Variants in LYST observed in about 807,000 individuals in gnomAD.
LYST encodes lysosomal trafficking regulator.
LYST carries 192 observed loss-of-function variants against 413.6 expected under a neutral mutation model. That is an observed-to-expected ratio of 0.46 (90% CI 0.41 to 0.52). The LOEUF is 0.52. Ranked by LOEUF, LYST falls within the 20% of genes least tolerant of loss-of-function variation. The pLI, the probability that LYST is intolerant of heterozygous loss-of-function variation, is 0.00. For missense variants in LYST, 3,815 were observed against 4,499.9 expected (o/e 0.85, Z 4.35); for synonymous variants, 1,525 against 1,567.3 (o/e 0.97, Z 0.64).
At chr1:235,851,448 A>T (rs190850203) in intron 1 of LYST, among the ~76,000 whole-genome samples, 1 of 152,056 alleles carries the variant, frequency 6.6e-6, no homozygotes, top group Non-Finnish European at 1.5e-5. Flanking sequence ...CAAATATGGT[A>T]CAGTGTATAC....
At chr1:235,835,966 A>G (rs989947182) in intron 1 of LYST, among the ~76,000 whole-genome samples, 2 of 152,242 alleles carry the variant, frequency 1.3e-5, no homozygotes, top group African/African-American at 4.8e-5. Context: ...ATGTCATAAC[A>G]AAGAAAACTT....
rs1403177252 is a variant in LYST, at chr1:235,712,170, G to C, written c.9812C>G (p.Thr3271Ser). 6.3e-7 allele frequency: 1 copy of C among 1,584,520 alleles called. No homozygotes were observed. The highest frequency in any genetic ancestry group is 1.3e-5 in the African/African-American group (1 of 74,174). ...CCAAGTTGTATTTGTAGAATGAAAA[G>C]TTCTGTCTGGAATGTCAAAACTTTG... The part of the protein sequence containing the change: ...QDQSFDIPDR[T>S]FHSTNTTWRL... The change falls in exon 43 of 53, where the codon ACT (threonine) becomes AGT (serine). Residue 3271 changes from threonine to serine, a missense_variant. Physicochemically the swap from Thr to Ser is moderately conservative, Grantham distance 58 (BLOSUM62 1). Coordinates refer to ENST00000389793, the MANE Select transcript of LYST (RefSeq NM_000081.4).
At position 235,709,071 on chromosome 1, in the gene LYST, G is replaced by C. The variant is rs1380251917; in HGVS notation, c.10143+20C>G. 6.2e-7 allele frequency: 1 copy of C among 1,602,650 alleles called. No homozygotes were observed. Among genetic ancestry groups the C allele is most frequent in the Admixed American group, 1.7e-5 (1 of 59,978 alleles). ...GTTCTATCTTATATAAATACAGATT[G>C]TTTTAAAAGAGTCACTTACAGCAGG... On this transcript the variant is annotated intron_variant, in intron 44 of 52. Transcript: ENST00000389793.
intron 37 of LYST, 65 bp downstream of exon 37, chr1:235,729,531 T>C: frequency 9.1e-7 from 1 of 1,094,176 alleles, no homozygotes; most frequent in South Asian, 1.2e-5. Context: ...AAAAACACTT[T>C]AAATAATCTA....
Position 235,751,374 on chromosome 1 carries a change from A to G in LYST, c.7628-12T>C. On this transcript the variant is annotated splice_polypyrimidine_tract_variant and intron_variant, in intron 27 of 52. Transcript: ENST00000389793. The stretch of plus-strand genomic sequence containing the variant: ...TGCAACAGCCATATCTAAAAACAGA[A>G]GATACTAGAATGTTTTCAAGCTATG... The G allele has an allele frequency of 1.2e-6, 2 of 1,609,672 alleles. No individual in the cohort carries two copies. The highest frequency in any genetic ancestry group is 1.1e-5 in the South Asian group (1 of 91,020).
At chr1:235,762,646 A>C in intron 22 of LYST, 74 bp downstream of exon 22, 1 of 1,443,780 alleles carries the variant, frequency 6.9e-7, no homozygotes, top group Non-Finnish European at 9.7e-7. Flanking sequence ...CTTCTAAAAT[A>C]TGTACAATTT....
At chr1:235,690,915 CT>C (rs138162439) in intron 47 of LYST, among the ~76,000 whole-genome samples, 69,649 of 145,324 alleles carry the variant, frequency 0.48, 17,343 homozygotes, top group African/African-American at 0.53. Context: ...TTACAAGTTT[CT>C]TTTTTTTTTT....
chr1:235,682,829 T>C (rs954811729), intron 48 of LYST, among the ~76,000 whole-genome samples: 1 of 152,174 alleles, frequency 6.6e-6, no homozygotes, highest in African/African-American at 2.4e-5. Context: ...TTCTTCAGTG[T>C]CCCAATTTTA....
In LYST at chr1:235,840,948, G is replaced by C. The variant is rs557704147; in HGVS notation, c.-97-7281C>G. ...GATCAGGACAACTCTCTGAATACTG[G>C]CTTGGTTAACTGGATAAATGGTACT... On this transcript the variant is annotated intron_variant, in intron 1 of 52. Transcript: ENST00000389793. Among the ~76,000 whole-genome samples, 7 of 152,300 alleles carry C rather than the reference G, an allele frequency of 4.6e-5. No individual in the cohort carries two copies. The South Asian group carries it at 1.4e-3, about 32-fold the overall frequency.
chr1:235,767,290 C>T (rs1668238790), intron 20 of LYST, among the ~76,000 whole-genome samples: 1 of 152,014 alleles, frequency 6.6e-6, no homozygotes, highest in Non-Finnish European at 1.5e-5. Flanking sequence ...TTGGGTATTA[C>T]TGAATTGGAG....
rs1191671852 is a variant in LYST at position 235,759,514 on chromosome 1, T to C, written c.6339A>G (p.Ser2113=). ...SRSLPAFPTS[S]LLTQSQKLTG... is the part of the protein sequence containing the mutation. The stretch of plus-strand genomic sequence containing the variant: ...TCAGTTTTTGTGATTGCGTTAGTAG[T>C]GAAGAAGTAGGGAATGCTGGTAGGC... Residue 2113 remains serine, a synonymous_variant, in exon 23 of 53, where the codon TCA becomes TCG. Coordinates refer to ENST00000389793, the MANE Select transcript of LYST (RefSeq NM_000081.4). 2.5e-6 allele frequency: 4 copies of C among 1,613,938 alleles called. No homozygotes were observed. Among genetic ancestry groups the C allele is most frequent in the Non-Finnish European group, 3.4e-6 (4 of 1,179,868 alleles).
At chr1:235,782,405 C>T (rs1291628660) in intron 14 of LYST, among the ~76,000 whole-genome samples, 1 of 151,862 alleles carries the variant, frequency 6.6e-6, no homozygotes, top group Non-Finnish European at 1.5e-5. Flanking sequence ...TATCTCCTGA[C>T]CTCATGATCC....
At chr1:235,822,926 A>G (rs1255111371) in intron 3 of LYST, among the ~76,000 whole-genome samples, 2 of 152,206 alleles carry the variant, frequency 1.3e-5, no homozygotes, top group Non-Finnish European at 2.9e-5. Flanking sequence ...AGCCCCACCC[A>G]ATAGCCCTCA....
chr1:235,864,360 T>A (rs1250127817), intron 1 of LYST, among the ~76,000 whole-genome samples: 1 of 152,144 alleles, frequency 6.6e-6, no homozygotes, highest in African/African-American at 2.4e-5. Context: ...CCACCAAACC[T>A]ACTCCTCTCG....
chr1:235,778,122 T>TATATATATATA (rs1558230944), intron 16 of LYST, among the ~76,000 whole-genome samples: 1 of 144,770 alleles, frequency 6.9e-6, no homozygotes, highest in African/African-American at 2.7e-5. Flanking sequence ...TATATATATA[T>TATATATATATA]TTTTGTAGAG....
chr1:235,712,531 TG>T (rs1662478690), intron 42 of LYST: 1 of 871,348 alleles, frequency 1.1e-6, no homozygotes, highest in African/African-American at 1.9e-5. Context: ...TTGCACATAA[TG>T]GGTATTCAAT....
In LYST at chr1:235,775,086, C is replaced by T. The variant is rs775507357; in HGVS notation, c.5461G>A (p.Val1821Ile). Residue 1821 changes from valine (V) to isoleucine (I), a missense_variant and splice_region_variant, in exon 18 of 53, where the codon GTT becomes ATT. Transcript: ENST00000389793. ...TGIFVFLFAR[V>I]VELSSCEETQ... Reference sequence around the variant, plus strand: ...TCTTCACAGCTACTGAGTTCAACAACCTAAAAAAAAAAATGGGTGGATATA... The same window carrying T: ...TCTTCACAGCTACTGAGTTCAACAATCTAAAAAAAAAAATGGGTGGATATA... 2 of 1,604,058 alleles carry T rather than the reference C, an allele frequency of 1.2e-6. No individual in the cohort carries two copies. The highest frequency in any genetic ancestry group is 1.3e-5 in the African/African-American group (1 of 74,214).
rs1022518724 is a variant in LYST, at chr1:235,759,230, C to T, written c.6623G>A (p.Gly2208Glu). Reference protein sequence around the residue: ...PVVKADHKQLGAEPRSEDDSP... With the variant: ...PVVKADHKQLEAEPRSEDDSP... ...GTCATCTTCTGACCTGGGTTCTGCT[C>T]CCAACTGTTTATGATCTGCTTTGAC... The change falls in exon 23 of 53, where the codon GGA (glycine) becomes GAA (glutamate). Residue 2208 changes from glycine (G) to glutamate (E), a missense_variant. By Grantham distance (98) the Gly-to-Glu change is moderately conservative. This residue lies in a region of LYST where 771 missense variants were observed against 837.1 expected (regional missense o/e 0.92). Transcript: ENST00000389793. 6.2e-7 allele frequency: 1 copy of T among 1,613,994 alleles called. No individual in the cohort carries two copies. Among genetic ancestry groups the T allele is most frequent in the Non-Finnish European group, 8.5e-7 (1 of 1,180,024 alleles).
intron 1 of LYST, among the ~76,000 whole-genome samples, chr1:235,873,131 C>G (rs1458541191): frequency 6.6e-6 from 1 of 152,114 alleles, no homozygotes; most frequent in African/African-American, 2.4e-5. Context: ...TCAAAGCACT[C>G]AGCATGCCAA....
Sources: allele counts gnomAD v4.1 joint callset (sites outside exome capture counted in the v4.1 genomes callset), GRCh38; gene constraint gnomAD v4.1.1; regional missense constraint gnomAD v4.1.1; transcripts MANE v1.5; gene names NCBI Gene and HGNC (gene_info 2026-07-23, HGNC 2026-07-21).